The following ATP9B variants were observed in gnomAD, a reference collection of about 807,000 sequenced individuals.
ATP9B encodes the protein probable phospholipid-transporting ATPase IIB.
In ATP9B, 110 loss-of-function variants were observed where a neutral mutation model predicts 146.1. That is an observed-to-expected ratio of 0.75 (90% CI 0.65 to 0.88). The LOEUF (loss-of-function observed/expected upper bound fraction) is 0.88, where lower values mean the gene tolerates loss of function less well. ATP9B is among the 40% of genes least tolerant of loss of function. The pLI is 0.00. For synonymous variants in ATP9B, 604 were observed against 569.7 expected, an observed-to-expected ratio of 1.06 and a Z score of -0.86; for missense variants, 1,499 against 1,496.4, an observed-to-expected ratio of 1.00 and a Z score of -0.03.
intron 2 of ATP9B, among the ~76,000 whole-genome samples, chr18:79,107,818 A>ATGGACATGATACTGATG (rs1334557380): frequency 6.6e-6 from 1 of 152,176 alleles, no homozygotes; most frequent in Admixed American, 6.5e-5. Flanking sequence ...AGCTCAGTGA[A>ATGGACATGATACTGATG]TGGACATGAT....
intron 1 of ATP9B, among the ~76,000 whole-genome samples, chr18:79,084,016 G>T (rs1347559944): frequency 6.6e-6 from 1 of 151,854 alleles, no homozygotes; most frequent in Non-Finnish European, 1.5e-5. Flanking sequence ...GTGCCACCAT[G>T]CCCGGCTAAT....
chr18:79,307,205 C>G lies in ATP9B; in HGVS notation c.1744C>G (p.Arg582Gly). The change falls in exon 15 of 30, where the codon CGC becomes GGC. Residue 582 changes from arginine (R) to glycine (G), a missense_variant. Arg to Gly is a moderately radical substitution (Grantham distance 125). Coordinates refer to ENST00000426216, the MANE Select transcript of ATP9B (RefSeq NM_198531.5). ...TGACCAAGACTTCAGTGATGAGAAT[C>G]GCACCTACCAGGCTTCCAGCCCGGA... is the stretch of plus-strand genomic sequence containing the variant. ...EADQDFSDEN[R>G]TYQASSPDEV... 6.2e-7 allele frequency: 1 copy of G among 1,614,220 alleles called. No individual in the cohort carries two copies. The highest frequency in any genetic ancestry group is 1.1e-5 in the South Asian group (1 of 91,072).
intron 7 of ATP9B, among the ~76,000 whole-genome samples, chr18:79,175,074 A>G (rs1046081431): frequency 2.0e-5 from 3 of 151,928 alleles, no homozygotes; most frequent in African/African-American, 4.8e-5. Context: ...GGTGGCACGC[A>G]TCTGTAGTCC....
At chr18:79,086,899 C>G (rs943915063) in intron 1 of ATP9B, among the ~76,000 whole-genome samples, 30 of 152,120 alleles carry the variant, frequency 2.0e-4, no homozygotes, top group Non-Finnish European at 2.9e-5. Context: ...AGGCAGCCAT[C>G]CCTTTAAATT....
intron 4 of ATP9B, among the ~76,000 whole-genome samples, chr18:79,121,848 G>A (rs1355981525): frequency 6.6e-6 from 1 of 152,146 alleles, no homozygotes; most frequent in African/African-American, 2.4e-5. Flanking sequence ...TCAGGACTTA[G>A]GACCTAACCC....
intron 13 of ATP9B, among the ~76,000 whole-genome samples, chr18:79,283,652 G>A (rs887603694): frequency 6.6e-6 from 1 of 152,182 alleles, no homozygotes; most frequent in African/African-American, 2.4e-5. Flanking sequence ...CACATCTGTG[G>A]CCACCAGTGC....
Position 79,143,005 on chromosome 18 carries a change from G to T in ATP9B, c.668-797G>T, listed in dbSNP as rs375858959. Among the ~76,000 whole-genome samples the T allele has an allele frequency of 3.0e-3, 458 of 152,246 alleles. 1 individual carries two copies. The highest frequency in any genetic ancestry group is 0.024 in the South Asian group (116 of 4,826). ...CAAAAATGTAAAAATTAACACACAA[G>T]GCCATTGCTAGTCTTAAAAGAGAGT... On this transcript the variant is annotated intron_variant, in intron 5 of 29. Transcript: ENST00000426216.
chr18:79,169,493 CAG>C (rs1250311866), intron 7 of ATP9B, among the ~76,000 whole-genome samples: 4 of 152,172 alleles, frequency 2.6e-5, no homozygotes, highest in Admixed American at 2.6e-4. Context: ...AGTCTTCACA[CAG>C]AGTTTCTGGA....
Position 79,377,581 on chromosome 18 carries a change from C to CAA in ATP9B, c.*199_*200dup. On this transcript the variant is annotated 3_prime_UTR_variant, in exon 30 of 30. Transcript: ENST00000426216. ...GTGCAGGGACGTCACCCCTGCCAGG[C>CAA]AAGCCCAGGGCACAGATGCCAGGAT... is the stretch of plus-strand genomic sequence containing the variant. The CAA allele has an allele frequency of 7.2e-6, 5 of 693,490 alleles. No individual in the cohort carries two copies. The allele number at this position is 693,490 out of a possible 1,614,324, so 43.0% of individuals were successfully genotyped here.
intron 8 of ATP9B, among the ~76,000 whole-genome samples, chr18:79,183,054 C>T (rs759340385): frequency 6.6e-6 from 1 of 152,176 alleles, no homozygotes; most frequent in Non-Finnish European, 1.5e-5. Context: ...TCTGACAGTA[C>T]CTTCCCCTAG....
chr18:79,230,750 A>G (rs2095783402), intron 11 of ATP9B, among the ~76,000 whole-genome samples: 1 of 152,158 alleles, frequency 6.6e-6, no homozygotes, highest in Non-Finnish European at 1.5e-5. Context: ...ACCAAAAAAG[A>G]GCTCGCATAG....
At chr18:79,119,921 A>T (rs185901493) in intron 4 of ATP9B, among the ~76,000 whole-genome samples, 4 of 152,360 alleles carry the variant, frequency 2.6e-5, no homozygotes, top group Non-Finnish European at 5.9e-5. Context: ...AAAAGCTTTT[A>T]AAAACGCTGA....
chr18:79,119,841 A>G (rs2094157784), intron 4 of ATP9B, among the ~76,000 whole-genome samples: 1 of 152,216 alleles, frequency 6.6e-6, no homozygotes. Context: ...CCTCTTAAAA[A>G]GTTGATGTAC....
rs369548332 is a variant in ATP9B, at chr18:79,149,161, A to T, written c.726+5301A>T. ...TTTTTTTCTTCTTATTTTTAAAGAC[A>T]TAGATCATCTTACTCTAAAACTAAT... On this transcript the variant is annotated intron_variant, in intron 6 of 29. Coordinates refer to ENST00000426216, the MANE Select transcript of ATP9B (RefSeq NM_198531.5). Among the ~76,000 whole-genome samples, 22 of 152,338 alleles carry T rather than the reference A, an allele frequency of 1.4e-4. No individual in the cohort carries two copies. The South Asian group carries it at 4.6e-3, about 32-fold the overall frequency.
chr18:79,327,683 G>A lies in ATP9B; in HGVS notation c.1774-1458G>A, dbSNP rs1268706715. Among the ~76,000 whole-genome samples, 6 of 145,240 alleles carry A rather than the reference G, an allele frequency of 4.1e-5. 1 individual carries two copies. The highest frequency in any genetic ancestry group is 1.4e-4 in the Admixed American group (2 of 14,714). On this transcript the variant is annotated intron_variant, in intron 15 of 29. Transcript: ENST00000426216. ...GTTTAGCGTGCTCTCCGTGGTTAGC[G>A]TGCTCTCCGTGGTTAGTGTGCTCTC...
chr18:79,226,347 T>C (rs556408071), intron 11 of ATP9B, among the ~76,000 whole-genome samples: 1 of 152,348 alleles, frequency 6.6e-6, no homozygotes, highest in East Asian at 1.9e-4. Context: ...TCTTGGTGCT[T>C]GGCCACAAAG....
chr18:79,282,175 T>G lies in ATP9B; in HGVS notation c.1411+4979T>G, dbSNP rs187973270. Among the ~76,000 whole-genome samples, 301 of 152,254 alleles carry G rather than the reference T, an allele frequency of 2.0e-3. 1 individual carries two copies. The highest frequency in any genetic ancestry group is 6.8e-3 in the African/African-American group (283 of 41,544). Reference sequence around the variant, plus strand: ...GCCTCTTACGGATGAGCAAAGAAAGTAGTTTCTTGAAATGGAATCCGCTCC... The same window carrying G: ...GCCTCTTACGGATGAGCAAAGAAAGGAGTTTCTTGAAATGGAATCCGCTCC... On this transcript the variant is annotated intron_variant, in intron 13 of 29. Transcript: ENST00000426216.
At chr18:79,311,837 A>G (rs1221328318) in intron 15 of ATP9B, among the ~76,000 whole-genome samples, 1 of 152,134 alleles carries the variant, frequency 6.6e-6, no homozygotes, top group Non-Finnish European at 1.5e-5. Context: ...GTGATGGGAC[A>G]GCCCTGCATC....
intron 1 of ATP9B, among the ~76,000 whole-genome samples, chr18:79,086,674 C>A (rs1303727540): frequency 6.6e-6 from 1 of 152,006 alleles, no homozygotes; most frequent in South Asian, 2.1e-4. Flanking sequence ...GTACCATTAA[C>A]TCTAATTCAG....
Sources: allele counts gnomAD v4.1 joint callset (sites outside exome capture counted in the v4.1 genomes callset), GRCh38; gene constraint gnomAD v4.1.1; transcripts MANE v1.5; gene names NCBI Gene and HGNC (gene_info 2026-07-23, HGNC 2026-07-21).